Variants in KHDRBS2 observed in about 807,000 individuals in gnomAD.
KHDRBS2 encodes the protein KH RNA binding domain containing, signal transduction associated 2.
A neutral mutation model predicts 44.3 loss-of-function variants in KHDRBS2; 26 were observed. The ratio of observed to expected loss-of-function variants is 0.59; its 90% CI spans 0.43 to 0.81. The LOEUF (loss-of-function observed/expected upper bound fraction) is 0.81. Ranked by LOEUF, KHDRBS2 falls within the 40% of genes least tolerant of loss-of-function variation. KHDRBS2 has a pLI of 0.00. For synonymous variants in KHDRBS2, 194 were observed against 151.1 expected (o/e 1.28, Z -2.08); for missense variants, 476 against 433.1 (o/e 1.10, Z -0.88).
At chr6:62,137,356 T>A (rs1298474075) in intron 2 of KHDRBS2, among the ~76,000 whole-genome samples, 5 of 152,206 alleles carry the variant, frequency 3.3e-5, no homozygotes, top group Admixed American at 3.3e-4. Context: ...ATTGTTCTTT[T>A]AGATTTCTGG....
At chr6:61,979,914 A>T (rs1562573614) in intron 3 of KHDRBS2, among the ~76,000 whole-genome samples, 4 of 152,032 alleles carry the variant, frequency 2.6e-5, no homozygotes, top group African/African-American at 9.7e-5. Flanking sequence ...TCCTATGTTG[A>T]TTCCCATTCA....
At chr6:62,272,606 T>C in intron 1 of KHDRBS2, among the ~76,000 whole-genome samples, 1 of 152,090 alleles carries the variant, frequency 6.6e-6, no homozygotes, top group East Asian at 1.9e-4. Flanking sequence ...TATTGAGTAT[T>C]GGAGGAAAAA....
At chr6:62,007,020 T>G (rs979091127) in intron 3 of KHDRBS2, among the ~76,000 whole-genome samples, 6 of 152,098 alleles carry the variant, frequency 3.9e-5, no homozygotes, top group Admixed American at 6.6e-5. Flanking sequence ...CGTATGTGTG[T>G]GTGTACATAC....
At chr6:62,100,592 G>A (rs1296963618) in intron 2 of KHDRBS2, among the ~76,000 whole-genome samples, 4 of 152,166 alleles carry the variant, frequency 2.6e-5, no homozygotes, top group South Asian at 2.1e-4. Flanking sequence ...AACCACTACC[G>A]TTTTCAGTCA....
chr6:61,908,167 G>A (rs1252049473), intron 4 of KHDRBS2, among the ~76,000 whole-genome samples: 18 of 152,014 alleles, frequency 1.2e-4, no homozygotes, highest in Admixed American at 1.2e-3. Flanking sequence ...TTTTAGTATT[G>A]TTTTATTACT....
Position 62,031,575 on chromosome 6 carries a change from T to G in KHDRBS2, c.336+16303A>C, listed in dbSNP as rs368037845. ...ACAAGCTGAATGAATGCCTTGGGCC[T>G]TAAGGAAATATATCAATGGTAGTCT... On this transcript the variant is annotated intron_variant, in intron 3 of 8. Coordinates refer to ENST00000281156, the MANE Select transcript of KHDRBS2 (RefSeq NM_152688.4). 6.2e-4 allele frequency among the ~76,000 whole-genome samples: 94 copies of G among 152,170 alleles called. 1 individual carries two copies. The East Asian group carries it at 0.011, about 18-fold the overall frequency.
chr6:62,188,776 T>C (rs1823977564), intron 1 of KHDRBS2, among the ~76,000 whole-genome samples: 1 of 152,052 alleles, frequency 6.6e-6, no homozygotes. Flanking sequence ...TGAAAATAGG[T>C]CATTAGAAAC....
chr6:61,816,838 A>T, intron 6 of KHDRBS2: 1 of 398,292 alleles, frequency 2.5e-6, no homozygotes, highest in East Asian at 7.2e-5. Flanking sequence ...AGTGTGAAAA[A>T]TATTCCTCTT....
chr6:61,742,100 A>C (rs989509645), intron 6 of KHDRBS2, among the ~76,000 whole-genome samples: 1 of 151,996 alleles, frequency 6.6e-6, no homozygotes, highest in Non-Finnish European at 1.5e-5. Flanking sequence ...ATGAGGGTCA[A>C]GATAATAAAT....
At chr6:61,790,646 ATT>A in intron 6 of KHDRBS2, among the ~76,000 whole-genome samples, 1 of 151,474 alleles carries the variant, frequency 6.6e-6, no homozygotes, top group East Asian at 1.9e-4. Context: ...TACATGATAT[ATT>A]TTCTTTTTAA....
At chr6:61,709,764 C>T (rs759361770) in intron 7 of KHDRBS2, among the ~76,000 whole-genome samples, 1 of 151,624 alleles carries the variant, frequency 6.6e-6, no homozygotes, top group African/African-American at 2.4e-5. Context: ...ATTAAATGAA[C>T]TGTTACATGC....
chr6:61,806,654 A>G (rs1787218029), intron 6 of KHDRBS2, among the ~76,000 whole-genome samples: 1 of 145,330 alleles, frequency 6.9e-6, no homozygotes, highest in African/African-American at 2.6e-5. Context: ...AATTTCCCAA[A>G]TAGAAATATT....
At chr6:62,160,944 G>A (rs952606631) in intron 2 of KHDRBS2, among the ~76,000 whole-genome samples, 15 of 152,016 alleles carry the variant, frequency 9.9e-5, no homozygotes, top group Non-Finnish European at 2.1e-4. Flanking sequence ...CCTTGAAACT[G>A]AAACTCTATA....
At chr6:61,560,790 C>T in the KHDRBS2 span, among the ~76,000 whole-genome samples, 1 of 152,102 alleles carries the variant, frequency 6.6e-6, no homozygotes, top group Non-Finnish European at 1.5e-5. Context: ...GGTCACTTAT[C>T]TCTGTCTGTC....
At chr6:61,573,792 GAAA>G in the KHDRBS2 span, among the ~76,000 whole-genome samples, 86,924 of 145,908 alleles carry the variant, frequency 0.6, 25,719 homozygotes, top group Non-Finnish European at 0.62. Flanking sequence ...TCTGTCTCAG[GAAA>G]AAAAAAAAAA....
At chr6:61,555,229 A>G in the KHDRBS2 span, among the ~76,000 whole-genome samples, 2 of 151,924 alleles carry the variant, frequency 1.3e-5, no homozygotes, top group South Asian at 2.1e-4. Flanking sequence ...TCTTTATTTG[A>G]TCTTCACTGT....
At chr6:62,092,427 G>A (rs1009313488) in intron 2 of KHDRBS2, among the ~76,000 whole-genome samples, 2 of 152,048 alleles carry the variant, frequency 1.3e-5, no homozygotes, top group African/African-American at 4.8e-5. Context: ...AAGCACAACC[G>A]AATCAAAATG....
chr6:62,198,766 T>G (rs1193547997), intron 1 of KHDRBS2, among the ~76,000 whole-genome samples: 1 of 152,130 alleles, frequency 6.6e-6, no homozygotes, highest in African/African-American at 2.4e-5. Context: ...TACCAAAGCC[T>G]GGCAGAGACA....
chr6:62,037,945 T>A (rs569670789), intron 3 of KHDRBS2, among the ~76,000 whole-genome samples: 221 of 152,186 alleles, frequency 1.5e-3, no homozygotes, highest in African/African-American at 3.9e-3. Context: ...AGGAAATCTA[T>A]TCATAATGGG....
Sources: allele counts gnomAD v4.1 joint callset (sites outside exome capture counted in the v4.1 genomes callset), GRCh38; gene constraint gnomAD v4.1.1; transcripts MANE v1.5; gene names NCBI Gene and HGNC (gene_info 2026-07-23, HGNC 2026-07-21).